The following GALK2 variants were observed in gnomAD, a reference collection of about 807,000 sequenced individuals.
GALK2 encodes galactokinase 2.
Under a neutral mutation model 52.4 loss-of-function variants are expected in GALK2, and 36 were observed. The ratio of observed to expected loss-of-function variants is 0.69; its 90% CI spans 0.53 to 0.91. The LOEUF is 0.91. Among genes scored for constraint, GALK2 ranks in the 40% least tolerant of loss-of-function variants. The probability of loss-of-function intolerance (pLI) is 0.00; values close to 1 mark genes in which losing one functional copy is unlikely to be tolerated. For synonymous variants in GALK2, 176 were observed against 199.1 expected, an observed-to-expected ratio of 0.88 and a Z score of 0.98; for missense variants, 579 against 559.1, an observed-to-expected ratio of 1.04 and a Z score of -0.36.
intron 1 of GALK2, among the ~76,000 whole-genome samples, chr15:49,195,456 G>A (rs763311589): frequency 1.3e-5 from 2 of 152,194 alleles, no homozygotes; most frequent in Non-Finnish European, 2.9e-5. Context: ...TTGTTTGTAA[G>A]CATTTAGTGT....
chr15:49,237,445 C>T (rs183744969), intron 4 of GALK2, among the ~76,000 whole-genome samples: 2 of 151,992 alleles, frequency 1.3e-5, no homozygotes, highest in African/African-American at 2.4e-5. Flanking sequence ...TTGCATAATA[C>T]GTTGTTTTTT....
intron 1 of GALK2, among the ~76,000 whole-genome samples, chr15:49,165,046 TTTTG>T (rs962251598): frequency 1.3e-5 from 2 of 152,144 alleles, no homozygotes; most frequent in African/African-American, 4.8e-5. Context: ...AGCAGGAGCT[TTTTG>T]TTTATGTTTA....
intron 3 of GALK2, among the ~76,000 whole-genome samples, chr15:49,367,254 A>C (rs1193724543): frequency 6.6e-6 from 1 of 152,206 alleles, no homozygotes; most frequent in Non-Finnish European, 1.5e-5. Flanking sequence ...TTACATGCAA[A>C]ATCATAGCAT....
chr15:49,350,155 AGT>A lies in GALK2; in HGVS notation c.427-17333_427-17332del, dbSNP rs569352258. The stretch of plus-strand genomic sequence containing the variant: ...TTAAACTTTTCTTCTTACTCAAGGC[AGT>A]GTTGTTCATAGTACTTTCTGTGACA... On this transcript the variant is annotated intron_variant, in intron 3 of 3. Transcript: ENST00000558399. Among the ~76,000 whole-genome samples, 138 of 152,328 alleles carry A rather than the reference AGT, an allele frequency of 9.1e-4. 5 individuals are homozygous for A. The South Asian group carries it at 0.027, about 30-fold the overall frequency.
At chr15:49,227,865 TCCAGGTATAGTACTC>T in intron 3 of GALK2, among the ~76,000 whole-genome samples, 1 of 152,102 alleles carries the variant, frequency 6.6e-6, no homozygotes, top group Non-Finnish European at 1.5e-5. Flanking sequence ...TCCCTTTGCT[TCCAGGTATAGTACTC>T]CCTTAAGTAT....
intron 2 of GALK2, among the ~76,000 whole-genome samples, chr15:49,212,735 T>C (rs1367422096): frequency 6.6e-6 from 1 of 152,176 alleles, no homozygotes; most frequent in Non-Finnish European, 1.5e-5. Context: ...ATTTAAAAAT[T>C]TCTTAATTTT....
chr15:49,306,492 A>G (rs1026679390), intron 8 of GALK2, among the ~76,000 whole-genome samples: 1 of 152,174 alleles, frequency 6.6e-6, no homozygotes, highest in Non-Finnish European at 1.5e-5. Context: ...GTGTTCTAAT[A>G]GAAATATGCT....
chr15:49,217,293 C>T lies in GALK2; in HGVS notation c.246C>T (p.Ala82=), dbSNP rs529083306. The change falls in exon 3 of 10, where the codon GCC becomes GCT. Residue 82 remains alanine, a synonymous_variant. Coordinates refer to ENST00000560031, the MANE Select transcript of GALK2 (RefSeq NM_002044.4). ...TGAAAACGTACGCTCTCCAACTGGCCAATACAAATCCCTTGTATCCGTGAG... is the reference window on the plus strand; with the variant it reads ...TGAAAACGTACGCTCTCCAACTGGCTAATACAAATCCCTTGTATCCGTGAG... ...EPVKTYALQL[A]NTNPLYPDFS... 3.7e-6 allele frequency: 6 copies of T among 1,613,794 alleles called. No individual in the cohort carries two copies. In the South Asian group the frequency reaches 4.4e-5, roughly 12 times the overall value.
At chr15:49,267,865 A>G (rs1566999597) in intron 5 of GALK2, among the ~76,000 whole-genome samples, 1 of 152,220 alleles carries the variant, frequency 6.6e-6, no homozygotes, top group Non-Finnish European at 1.5e-5. Flanking sequence ...ATCTCAGCAC[A>G]TAAACATATA....
intron 8 of GALK2, among the ~76,000 whole-genome samples, chr15:49,302,774 C>G (rs1215271915): frequency 2.6e-5 from 4 of 152,028 alleles, no homozygotes; most frequent in Non-Finnish European, 1.5e-5. Context: ...AGTTTTAGAC[C>G]CTTCTAGAGT....
At chr15:49,172,205 A>C (rs964610906) in intron 1 of GALK2, among the ~76,000 whole-genome samples, 2 of 152,210 alleles carry the variant, frequency 1.3e-5, no homozygotes, top group African/African-American at 4.8e-5. Context: ...GGTGGTAACA[A>C]GTATAGGTAC....
intron 1 of GALK2, chr15:49,156,601 C>A: frequency 1.9e-6 from 1 of 516,320 alleles, no homozygotes; most frequent in Non-Finnish European, 3.8e-6. Flanking sequence ...CAAAGAAATT[C>A]AGATTGCCGA....
intron 8 of GALK2, among the ~76,000 whole-genome samples, chr15:49,293,063 C>T (rs2034101355): frequency 6.6e-6 from 1 of 152,142 alleles, no homozygotes; most frequent in Non-Finnish European, 1.5e-5. Flanking sequence ...GAGTCTTGGG[C>T]TGGCTTGTTC....
At chr15:49,341,121 A>G (rs1226159317) in intron 3 of GALK2, among the ~76,000 whole-genome samples, 1 of 151,996 alleles carries the variant, frequency 6.6e-6, no homozygotes, top group Non-Finnish European at 1.5e-5. Context: ...TCATCAGTCT[A>G]TGTGTCTGTT....
intron 7 of GALK2, 140 bp downstream of exon 7, chr15:49,283,858 G>C (rs2033039844): frequency 1.2e-6 from 1 of 823,196 alleles, no homozygotes; most frequent in African/African-American, 1.7e-5. Flanking sequence ...AGGTCTTTGG[G>C]TACAGAGAAA....
intron 5 of GALK2, among the ~76,000 whole-genome samples, chr15:49,279,956 G>C (rs577646508): frequency 4.6e-5 from 7 of 152,326 alleles, no homozygotes; most frequent in African/African-American, 1.7e-4. Flanking sequence ...TAATGTTAGT[G>C]AATCCACATG....
intron 5 of GALK2, among the ~76,000 whole-genome samples, chr15:49,270,947 TG>T: frequency 6.6e-6 from 1 of 152,070 alleles, no homozygotes; most frequent in South Asian, 2.1e-4. Context: ...ACCTCAAGAG[TG>T]GGACAGGACT....
In GALK2 at chr15:49,329,029, C is replaced by G. The variant is rs1342496751; in HGVS notation, c.*870C>G. 10 of 1,007,288 alleles carry G rather than the reference C, an allele frequency of 9.9e-6. No individual in the cohort carries two copies. The highest frequency in any genetic ancestry group is 1.1e-5 in the Non-Finnish European group (9 of 842,974). The allele number at this position is 1,007,288 out of a possible 1,614,324, so 62.4% of individuals were successfully genotyped here. A position where few individuals can be genotyped will look rare whatever the true frequency, so the allele number is the denominator to read the frequency against. On this transcript the variant is annotated 3_prime_UTR_variant, in exon 10 of 10. Coordinates refer to ENST00000560031, the MANE Select transcript of GALK2 (RefSeq NM_002044.4). The stretch of plus-strand genomic sequence containing the variant: ...TTACTTTCTTATCACTCTTTTTCTA[C>G]TACTTTTTCTCAAATACCTCTCTAA...
intron 1 of GALK2, among the ~76,000 whole-genome samples, chr15:49,183,081 T>C (rs2141229003): frequency 6.6e-6 from 1 of 152,318 alleles, no homozygotes; most frequent in Middle Eastern, 3.4e-3. Context: ...TCCTGGATGT[T>C]TCCCCAATGT....
Sources: gnomAD v4.1 joint callset for allele counts (sites outside exome capture counted in the v4.1 genomes callset) on GRCh38, gnomAD v4.1.1 for gene constraint, MANE v1.5 for transcripts, NCBI Gene and HGNC (gene_info 2026-07-23, HGNC 2026-07-21) for gene names.